Variants in AFF1 observed in about 807,000 individuals in gnomAD.
AFF1 encodes AF4/FMR2 family member 1.
Under a neutral mutation model 121.7 loss-of-function variants are expected in AFF1, and 48 were observed. That is an observed-to-expected ratio of 0.39 (90% CI 0.31 to 0.50). The LOEUF (loss-of-function observed/expected upper bound fraction) is 0.50. AFF1 is among the 20% of genes least tolerant of loss of function. The probability of loss-of-function intolerance (pLI) is 0.76; values close to 1 mark genes in which losing one functional copy is unlikely to be tolerated. For missense variants in AFF1, 1,523 were observed against 1,511.7 expected (o/e 1.01, Z -0.12); for synonymous variants, 613 against 563.0 (o/e 1.09, Z -1.26).
intron 2 of AFF1, among the ~76,000 whole-genome samples, chr4:87,031,947 T>C (rs1316569145): frequency 6.6e-6 from 1 of 152,224 alleles, no homozygotes; most frequent in Non-Finnish European, 1.5e-5. Context: ...TGCTTTAAGA[T>C]TGATAAATAC....
chr4:86,939,801 C>A (rs1720322172), intron 1 of AFF1, among the ~76,000 whole-genome samples: 1 of 152,190 alleles, frequency 6.6e-6, no homozygotes, highest in African/African-American at 2.4e-5. Flanking sequence ...TCTTACCCGT[C>A]CCCCGAGTTT....
intron 4 of AFF1, among the ~76,000 whole-genome samples, chr4:87,060,845 A>AAAAAAC (rs1720690440): frequency 5.2e-5 from 1 of 19,138 alleles, no homozygotes; most frequent in South Asian, 3.1e-3. Context: ...CAAAAAAAAA[A>AAAAAAC]AAAAAAAAAA....
intron 2 of AFF1, among the ~76,000 whole-genome samples, chr4:87,031,949 G>A (rs1729127096): frequency 6.6e-6 from 1 of 152,158 alleles, no homozygotes. Context: ...CTTTAAGATT[G>A]ATAAATACCT....
At chr4:87,113,508 C>A (rs755313802) in intron 11 of AFF1, among the ~76,000 whole-genome samples, 3 of 152,106 alleles carry the variant, frequency 2.0e-5, no homozygotes, top group Non-Finnish European at 4.4e-5. Context: ...TGGGCTTAAA[C>A]AATTCTCCTG....
At chr4:86,992,705 G>A (rs572638603) in intron 2 of AFF1, among the ~76,000 whole-genome samples, 5 of 152,278 alleles carry the variant, frequency 3.3e-5, no homozygotes, top group African/African-American at 7.2e-5. Context: ...TTCTGAGAAC[G>A]TAGGAAATAC....
Position 86,967,975 on chromosome 4 carries a change from C to T in AFF1, c.38+19404C>T, listed in dbSNP as rs377244709. ...TGAGAGTGCTCAGGAACTTGAACTA[C>T]GTAGCAACTTAGTGGGAACTAAGTA... On this transcript the variant is annotated intron_variant, in intron 2 of 20. Transcript: ENST00000395146. Among the ~76,000 whole-genome samples the T allele has an allele frequency of 4.6e-5, 7 of 152,192 alleles. No individual in the cohort carries two copies. The East Asian group carries it at 9.6e-4, about 21-fold the overall frequency.
At chr4:86,958,090 C>T (rs13104492) in intron 2 of AFF1, among the ~76,000 whole-genome samples, 743 of 32,504 alleles carry the variant, frequency 0.023, no homozygotes, top group Middle Eastern at 0.083. Context: ...CTTTTTTTTT[C>T]CTTTTTTTTT....
At chr4:87,064,804 G>A (rs146312968) in intron 4 of AFF1, among the ~76,000 whole-genome samples, 2,341 of 151,728 alleles carry the variant, frequency 0.015, 67 homozygotes, top group African/African-American at 0.054. Flanking sequence ...CCCAGGAAGC[G>A]GAGGTTGCAG....
chr4:86,983,685 G>T (rs964087120), intron 2 of AFF1, among the ~76,000 whole-genome samples: 2 of 151,698 alleles, frequency 1.3e-5, no homozygotes, highest in African/African-American at 4.8e-5. Context: ...CTCTAGCCTG[G>T]GTGACAGAGC....
At chr4:87,044,068 G>A (rs1477490818) in intron 2 of AFF1, among the ~76,000 whole-genome samples, 1 of 152,040 alleles carries the variant, frequency 6.6e-6, no homozygotes, top group African/African-American at 2.4e-5. Context: ...CACCTGCCTT[G>A]GCCTCCCAAA....
chr4:86,938,285 A>C (rs151061588), intron 1 of AFF1, among the ~76,000 whole-genome samples: 2,918 of 152,140 alleles, frequency 0.019, 76 homozygotes, highest in African/African-American at 0.067. Context: ...CCCCATCTCT[A>C]CTAAAAATAC....
chr4:87,044,889 G>A (rs551476847), intron 2 of AFF1, among the ~76,000 whole-genome samples: 5 of 152,270 alleles, frequency 3.3e-5, no homozygotes, highest in South Asian at 2.1e-4. Context: ...GTAGATCTGC[G>A]TCAGATTATG....
chr4:86,979,392 C>T (rs2149488837), intron 2 of AFF1, among the ~76,000 whole-genome samples: 1 of 152,292 alleles, frequency 6.6e-6, no homozygotes, highest in East Asian at 1.9e-4. Context: ...AGCCACTGCC[C>T]AGCCTGCCCC....
intron 12 of AFF1, among the ~76,000 whole-genome samples, chr4:87,119,212 A>T (rs528160157): frequency 6.6e-6 from 1 of 152,200 alleles, no homozygotes; most frequent in South Asian, 2.1e-4. Flanking sequence ...CCAGATTTGG[A>T]AGAAAAGTTG....
chr4:86,942,931 AT>A, intron 1 of AFF1, among the ~76,000 whole-genome samples: 1 of 152,348 alleles, frequency 6.6e-6, no homozygotes, highest in South Asian at 2.1e-4. Context: ...ACTTCTATTA[AT>A]TTAAACAGTT....
intron 2 of AFF1, among the ~76,000 whole-genome samples, chr4:86,983,981 G>A (rs1723999429): frequency 6.6e-6 from 1 of 151,928 alleles, no homozygotes; most frequent in Non-Finnish European, 1.5e-5. Flanking sequence ...AGCTTGCAGT[G>A]AGCTGAGATG....
intron 2 of AFF1, among the ~76,000 whole-genome samples, chr4:87,008,169 T>G (rs1303192725): frequency 6.6e-6 from 1 of 152,226 alleles, no homozygotes; most frequent in African/African-American, 2.4e-5. Flanking sequence ...CAGTTGGTGC[T>G]AAGGGAGACT....
intron 8 of AFF1, among the ~76,000 whole-genome samples, chr4:87,097,726 G>T (rs574916503): frequency 4.6e-5 from 7 of 152,226 alleles, no homozygotes; most frequent in Non-Finnish European, 8.8e-5. Context: ...GTGATTATGT[G>T]GGGGGTAGAC....
chr4:87,019,193 T>G (rs757867631), intron 2 of AFF1, among the ~76,000 whole-genome samples: 6 of 152,338 alleles, frequency 3.9e-5, no homozygotes, highest in African/African-American at 9.6e-5. Flanking sequence ...TTGGATAGTT[T>G]AGGAAGTAGC....
Sources: allele counts gnomAD v4.1 joint callset (sites outside exome capture counted in the v4.1 genomes callset), GRCh38; gene constraint gnomAD v4.1.1; transcripts MANE v1.5; gene names NCBI Gene and HGNC (gene_info 2026-07-23, HGNC 2026-07-21).